Variants in ATRNL1 observed in about 807,000 individuals in gnomAD.
The protein encoded by ATRNL1 is attractin-like protein 1.
A neutral mutation model predicts 182.7 loss-of-function variants in ATRNL1; 95 were observed. The ratio of observed to expected loss-of-function variants is 0.52; its 90% CI spans 0.44 to 0.62. ATRNL1 has a LOEUF of 0.62. Among genes scored for constraint, ATRNL1 ranks in the 20% least tolerant of loss-of-function variants. The probability of loss-of-function intolerance (pLI) is 0.00; values close to 1 mark genes in which losing one functional copy is unlikely to be tolerated. For synonymous variants in ATRNL1, 576 were observed against 568.3 expected (o/e 1.01, Z -0.19); for missense variants, 1,471 against 1,679.5 (o/e 0.88, Z 2.17).
intron 21 of ATRNL1, among the ~76,000 whole-genome samples, chr10:115,441,954 CT>C (rs1418026426): frequency 6.6e-6 from 1 of 151,964 alleles, no homozygotes; most frequent in Non-Finnish European, 1.5e-5. Context: ...ATATATCTTT[CT>C]CTCTTCTACT....
chr10:115,879,304 T>TAAAAAAA (rs782393349), intron 28 of ATRNL1, among the ~76,000 whole-genome samples: 1 of 7,092 alleles, frequency 1.4e-4, no homozygotes, highest in Admixed American at 1.1e-3. Context: ...ACTCTCTATC[T>TAAAAAAA]CAAAAAAAAA....
chr10:115,459,805 C>T (rs992988098), intron 21 of ATRNL1, among the ~76,000 whole-genome samples: 2 of 152,142 alleles, frequency 1.3e-5, no homozygotes, highest in African/African-American at 4.8e-5. Flanking sequence ...TTTTGTGGCT[C>T]ATGGGGCATC....
At chr10:115,804,749 A>G (rs1489663957) in intron 27 of ATRNL1, among the ~76,000 whole-genome samples, 4 of 152,170 alleles carry the variant, frequency 2.6e-5, no homozygotes, top group African/African-American at 7.2e-5. Flanking sequence ...CACGTAGTGG[A>G]GGTAGGTTTC....
intron 26 of ATRNL1, among the ~76,000 whole-genome samples, chr10:115,623,220 A>G (rs1857887841): frequency 6.6e-6 from 1 of 152,194 alleles, no homozygotes; most frequent in South Asian, 2.1e-4. Flanking sequence ...AACATTTATG[A>G]AGATTAACTA....
intron 27 of ATRNL1, among the ~76,000 whole-genome samples, chr10:115,772,055 C>T (rs911664410): frequency 6.6e-6 from 1 of 152,132 alleles, no homozygotes; most frequent in Non-Finnish European, 1.5e-5. Flanking sequence ...ACAGTCCTTA[C>T]AAGAAATGAA....
At chr10:115,363,249 A>T (rs1856843937) in intron 19 of ATRNL1, among the ~76,000 whole-genome samples, 1 of 151,944 alleles carries the variant, frequency 6.6e-6, no homozygotes, top group Admixed American at 6.6e-5. Flanking sequence ...TGTGGTTTTG[A>T]TTTGCATTTC....
At chr10:115,619,602 T>C (rs1037803330) in intron 26 of ATRNL1, among the ~76,000 whole-genome samples, 1 of 152,236 alleles carries the variant, frequency 6.6e-6, no homozygotes, top group Non-Finnish European at 1.5e-5. Context: ...CTGTGATACT[T>C]TTGTAATATG....
chr10:115,813,751 A>T (rs1376825674), intron 27 of ATRNL1, among the ~76,000 whole-genome samples: 1 of 152,202 alleles, frequency 6.6e-6, no homozygotes, highest in African/African-American at 2.4e-5. Flanking sequence ...GTAGTTTTTT[A>T]AAATCCTTAA....
At chr10:115,362,202 T>C (rs1406115522) in intron 19 of ATRNL1, among the ~76,000 whole-genome samples, 5 of 152,060 alleles carry the variant, frequency 3.3e-5, no homozygotes, top group Non-Finnish European at 7.4e-5. Context: ...GATATCAGCA[T>C]TTCATATTTA....
At chr10:115,852,499 G>A (rs947694984) in intron 28 of ATRNL1, among the ~76,000 whole-genome samples, 3 of 151,990 alleles carry the variant, frequency 2.0e-5, no homozygotes, top group Non-Finnish European at 1.5e-5. Flanking sequence ...GTATTCATTG[G>A]TGTGACCCTC....
chr10:115,688,907 CT>C (rs1307763740), intron 26 of ATRNL1, among the ~76,000 whole-genome samples: 1 of 151,950 alleles, frequency 6.6e-6, no homozygotes, highest in African/African-American at 2.4e-5. Flanking sequence ...CTCTATGTTT[CT>C]TCTAGTAGTT....
Position 115,727,299 on chromosome 10 carries a change from G to C in ATRNL1, c.3847G>C (p.Asp1283His). Residue 1283 changes from aspartate to histidine, a missense_variant, in exon 27 of 29, where the codon GAT becomes CAT. Asp to His is a moderately conservative substitution (Grantham distance 81, BLOSUM62 -1). Transcript: ENST00000355044. Reference sequence around the variant, plus strand: ...GGCCAGCCGTCCCTTTGCTTCTGTTGATGTAGCTCTGGAAGTGGGAGCTGA... The same window carrying C: ...GGCCAGCCGTCCCTTTGCTTCTGTTCATGTAGCTCTGGAAGTGGGAGCTGA... ...QMASRPFASV[D>H]VALEVGAEQT... is the part of the protein sequence containing the mutation. The C allele has an allele frequency of 6.2e-7, 1 of 1,614,140 alleles. No homozygotes were observed. Among genetic ancestry groups the C allele is most frequent in the Non-Finnish European group, 8.5e-7 (1 of 1,179,996 alleles).
chr10:115,555,858 T>C (rs1028982045), intron 26 of ATRNL1, among the ~76,000 whole-genome samples: 8 of 152,008 alleles, frequency 5.3e-5, no homozygotes, highest in Admixed American at 2.0e-4. Context: ...TGAGAGAACA[T>C]GATCTAACAT....
intron 27 of ATRNL1, among the ~76,000 whole-genome samples, chr10:115,805,380 G>GA (rs1555085421): frequency 8.5e-5 from 13 of 152,070 alleles, no homozygotes; most frequent in Non-Finnish European, 1.5e-5. Context: ...CACTTCTGCA[G>GA]GTCCATTCTC....
chr10:115,462,664 G>A (rs7901890), intron 22 of ATRNL1, among the ~76,000 whole-genome samples: 5 of 151,996 alleles, frequency 3.3e-5, no homozygotes, highest in African/African-American at 9.7e-5. Flanking sequence ...TATATTAAAT[G>A]TATTTTACTT....
Position 115,906,709 on chromosome 10 carries a change from G to A in ATRNL1, c.4019-37949G>A, listed in dbSNP as rs1158951401. Among the ~76,000 whole-genome samples the A allele has an allele frequency of 2.6e-5, 4 of 152,144 alleles. No individual in the cohort carries two copies. In the East Asian group the frequency reaches 7.7e-4, roughly 29 times the overall value. ...TTACTTTATTCATACCTGGGTTCCA[G>A]TACATGCCTCCCCCTAGAATTTCAG... On this transcript the variant is annotated intron_variant, in intron 28 of 28. Coordinates refer to ENST00000355044, the MANE Select transcript of ATRNL1 (RefSeq NM_207303.4).
intron 17 of ATRNL1, among the ~76,000 whole-genome samples, chr10:115,306,335 C>T (rs987424896): frequency 1.3e-5 from 2 of 152,082 alleles, no homozygotes; most frequent in Non-Finnish European, 2.9e-5. Flanking sequence ...TCCTTGGAAC[C>T]TCTTTAGCAC....
chr10:115,639,877 C>T (rs1169685541), intron 26 of ATRNL1, among the ~76,000 whole-genome samples: 3 of 151,838 alleles, frequency 2.0e-5, no homozygotes, highest in South Asian at 2.1e-4. Context: ...TAGGTATATA[C>T]ATGTGCCATG....
At chr10:115,555,262 T>C (rs1409488745) in intron 26 of ATRNL1, among the ~76,000 whole-genome samples, 2 of 151,812 alleles carry the variant, frequency 1.3e-5, no homozygotes, top group Non-Finnish European at 3.0e-5. Flanking sequence ...GGGGGAGTTA[T>C]ACTGGGCAAG....
Sources: gnomAD v4.1 joint callset for allele counts (sites outside exome capture counted in the v4.1 genomes callset) on GRCh38, gnomAD v4.1.1 for gene constraint, MANE v1.5 for transcripts, NCBI Gene and HGNC (gene_info 2026-07-23, HGNC 2026-07-21) for gene names.